The following PMPCA variants were observed in gnomAD, a reference collection of about 807,000 sequenced individuals.
PMPCA encodes the protein mitochondrial-processing peptidase subunit alpha.
PMPCA carries 47 observed loss-of-function variants against 59.3 expected under a neutral mutation model. That is an observed-to-expected ratio of 0.79 (90% CI 0.63 to 1.01). The LOEUF is 1.01. Ranked by LOEUF, PMPCA falls within the 50% of genes least tolerant of loss-of-function variation. The pLI is 0.00. For synonymous variants in PMPCA, 338 were observed against 290.3 expected (o/e 1.16, Z -1.67); for missense variants, 726 against 704.5 (o/e 1.03, Z -0.34).
intron 5 of PMPCA, 163 bp from the exon 6 acceptor site, chr9:136,416,128 C>T: frequency 3.2e-6 from 2 of 618,034 alleles, no homozygotes; most frequent in Non-Finnish European, 5.8e-6. Context: ...AGCAGTCCCC[C>T]TCACTCACAC....
At chr9:136,412,433 G>T in intron 2 of PMPCA, 57 bp from the exon 3 acceptor site, 1 of 900,216 alleles carries the variant, frequency 1.1e-6, no homozygotes, top group Middle Eastern at 2.3e-4. Context: ...TGTTTCTCTT[G>T]ATTAAATCTT....
chr9:136,422,777 T>G (rs542157706), intron 12 of PMPCA: 19 of 1,105,874 alleles, frequency 1.7e-5, no homozygotes, highest in Admixed American at 8.9e-5. Flanking sequence ...GGGCTGGGGG[T>G]TTTTTCTGCA....
chr9:136,415,250 GA>G (rs900030511), intron 5 of PMPCA, among the ~76,000 whole-genome samples: 11 of 151,764 alleles, frequency 7.2e-5, no homozygotes, highest in African/African-American at 2.4e-4. Context: ...CCACAAAAAG[GA>G]AAAAAAACCC....
At position 136,417,206 on chromosome 9, in the gene PMPCA, A is replaced by G. The variant is rs1835306451; in HGVS notation, c.889A>G (p.Ile297Val). The change falls in exon 7 of 13, where the codon ATT becomes GTT. Residue 297 changes from isoleucine to valine, a missense_variant. Coordinates refer to ENST00000371717, the MANE Select transcript of PMPCA (RefSeq NM_015160.3). Reference sequence around the variant, plus strand: ...ATCTGTGGCCCAGTACACTGGGGGGATTGCCAAGGTGAAGTAGCGGGAACG... The same window carrying G: ...ATCTGTGGCCCAGTACACTGGGGGGGTTGCCAAGGTGAAGTAGCGGGAACG... ...DRSVAQYTGG[I>V]AKLERDMSNV... is the part of the protein sequence containing the mutation. The G allele has an allele frequency of 6.4e-7, 1 of 1,572,694 alleles. No homozygotes were observed.
intron 1 of PMPCA, 117 bp downstream of exon 1, chr9:136,410,856 G>A (rs1343930688): frequency 1.6e-5 from 14 of 871,156 alleles, no homozygotes; most frequent in Non-Finnish European, 2.2e-5. Flanking sequence ...CTCGCACTTC[G>A]GGACACTGGT....
At chr9:136,418,477 G>C in intron 8 of PMPCA, 78 bp from the exon 9 acceptor site, 2 of 930,948 alleles carry the variant, frequency 2.1e-6, no homozygotes, top group Non-Finnish European at 3.5e-6. Context: ...AGCCAGCTCT[G>C]CCCTCCGTCC....
intron 5 of PMPCA, 85 bp from the exon 6 acceptor site, chr9:136,416,206 G>T: frequency 1.0e-6 from 1 of 982,166 alleles, no homozygotes; most frequent in Non-Finnish European, 1.6e-6. Context: ...GCGACACTCA[G>T]GCCAGCACAC....
At chr9:136,422,028 G>A (rs746125261) in intron 12 of PMPCA, 52 bp downstream of exon 12, 40 of 1,566,362 alleles carry the variant, frequency 2.6e-5, no homozygotes, top group Non-Finnish European at 3.0e-5. Context: ...GCCAGGCTCA[G>A]AGGAGGCCGT....
intron 6 of PMPCA, 175 bp from the exon 7 acceptor site, chr9:136,416,776 C>T (rs1835288369): frequency 4.9e-6 from 3 of 607,568 alleles, no homozygotes; most frequent in African/African-American, 1.8e-5. Context: ...TCTGGAGAGG[C>T]AGATTTTACT....
chr9:136,422,218 T>C (rs1835476401), intron 12 of PMPCA: 3 of 1,469,278 alleles, frequency 2.0e-6, no homozygotes, highest in Non-Finnish European at 2.7e-6. Flanking sequence ...CCCCACCCTC[T>C]GCACCCCTGG....
Position 136,417,188 on chromosome 9 carries a change from G to A in PMPCA, c.871G>A (p.Ala291Thr), listed in dbSNP as rs1233134648. Residue 291 changes from alanine (A) to threonine (T), a missense_variant, in exon 7 of 13, where the codon GCC (alanine) becomes ACC (threonine). Transcript: ENST00000371717. ...AEAVDIDRSV[A>T]QYTGGIAKLE... Reference sequence around the variant, plus strand: ...GGCCGTGGATATTGACAGATCTGTGGCCCAGTACACTGGGGGGATTGCCAA... The same window carrying A: ...GGCCGTGGATATTGACAGATCTGTGACCCAGTACACTGGGGGGATTGCCAA... The A allele has an allele frequency of 1.3e-6, 2 of 1,595,698 alleles. No individual in the cohort carries two copies. Among genetic ancestry groups the A allele is most frequent in the Non-Finnish European group, 1.7e-6 (2 of 1,166,896 alleles).
At chr9:136,420,221 G>A (rs1230845183) in intron 11 of PMPCA, 2 of 136,560 alleles carry the variant, frequency 1.5e-5, no homozygotes, top group African/African-American at 3.1e-5. Flanking sequence ...AGGCTGGAGT[G>A]CGGTGGCATG....
At chr9:136,419,017 C>T (rs752422862) in intron 10 of PMPCA, 27 bp from the exon 11 acceptor site, 1 of 1,611,122 alleles carries the variant, frequency 6.2e-7, no homozygotes, top group South Asian at 1.1e-5. Flanking sequence ...GCAGGCCACA[C>T]TGTTATCGTC....
intron 3 of PMPCA, 95 bp from the exon 4 acceptor site, chr9:136,412,713 GTA>G: frequency 1.2e-6 from 1 of 832,092 alleles, no homozygotes. Context: ...GATAATTTTT[GTA>G]TGTGTGTTAA....
Position 136,417,056 on chromosome 9 carries a change from A to G in PMPCA, c.739A>G (p.Thr247Ala), listed in dbSNP as rs764356617. The G allele has an allele frequency of 2.5e-6, 4 of 1,613,690 alleles. No individual in the cohort carries two copies. Among genetic ancestry groups the G allele is most frequent in the East Asian group, 2.2e-5 (1 of 44,866 alleles). The change falls in exon 7 of 13, where the codon ACT (threonine) becomes GCT (alanine). Residue 247 changes from threonine (T) to alanine (A), a missense_variant. Coordinates refer to ENST00000371717, the MANE Select transcript of PMPCA (RefSeq NM_015160.3). ...GCATTCCTACCTGAGGAACTACTAC[A>G]CTCCCGACCGCATGGTGCTGGCCGG... ...VLHSYLRNYY[T>A]PDRMVLAGVG...
intron 11 of PMPCA, among the ~76,000 whole-genome samples, 184 bp from the exon 12 acceptor site, chr9:136,421,648 G>A (rs1478595956): frequency 2.0e-5 from 3 of 152,072 alleles, no homozygotes; most frequent in East Asian, 1.9e-4. Context: ...TCCTGACCTC[G>A]TGATCCGCCT....
chr9:136,411,417 T>C (rs1236016290), intron 1 of PMPCA: 1 of 159,164 alleles, frequency 6.3e-6, no homozygotes. Flanking sequence ...TGAGGGATAG[T>C]CCTCCATCAG....
rs576100663 is a variant in PMPCA, at chr9:136,418,188, A to G, written c.990+79A>G. 1.6e-4 allele frequency: 158 copies of G among 1,012,458 alleles called. 1 individual carries two copies. In the East Asian group the frequency reaches 3.8e-3, roughly 24 times the overall value. The allele number at this position is 1,012,458 out of a possible 1,614,324, so 62.7% of individuals were successfully genotyped here. The stretch of plus-strand genomic sequence containing the variant: ...GCCAGCCCTGCCCTCTGTCCCTGGC[A>G]TCCGACAGCGCTCCTGATGGGGCGT... On this transcript the variant is annotated intron_variant, in intron 8 of 12. Transcript: ENST00000371717.
chr9:136,418,929 C>T lies in PMPCA; in HGVS notation c.1200+11C>T, dbSNP rs201530696. 4.1e-5 allele frequency: 66 copies of T among 1,612,010 alleles called. No homozygotes were observed. The highest frequency in any genetic ancestry group is 1.3e-4 in the East Asian group (6 of 44,876). On this transcript the variant is annotated intron_variant, in intron 10 of 12. Coordinates refer to ENST00000371717, the MANE Select transcript of PMPCA (RefSeq NM_015160.3). ...GCCGACCCAAGACAGGTGAGGGCCC[C>T]GCCTGCCACCGTCCTCAGTGCGGTT...
Sources: allele counts gnomAD v4.1 joint callset (sites outside exome capture counted in the v4.1 genomes callset), GRCh38; gene constraint gnomAD v4.1.1; transcripts MANE v1.5; gene names NCBI Gene and HGNC (gene_info 2026-07-23, HGNC 2026-07-21).